The following SNX24 variants were observed in gnomAD, a reference collection of about 807,000 sequenced individuals.
The protein encoded by SNX24 is sorting nexin 24, also known as sorting nexin-24.
Under a neutral mutation model 28.7 loss-of-function variants are expected in SNX24, and 22 were observed. The observed-to-expected ratio is 0.77, with a 90% CI of 0.55 to 1.10. The LOEUF (loss-of-function observed/expected upper bound fraction) is 1.10. Among genes scored for constraint, SNX24 ranks in the 50% least tolerant of loss-of-function variants. The pLI is 0.00. For synonymous variants in SNX24, 69 were observed against 71.5 expected, an observed-to-expected ratio of 0.96 and a Z score of 0.18; for missense variants, 221 against 201.1, an observed-to-expected ratio of 1.10 and a Z score of -0.60.
rs545607213 is a variant in SNX24 at position 122,857,516 on chromosome 5, A to G, written c.60+11823A>G. On this transcript the variant is annotated intron_variant, in intron 1 of 6. Transcript: ENST00000261369. ...GATTATCTCATCATCCGGGTACTAAACCTAGTACCTGATAGTTACTTTTTC... is the reference window on the plus strand; with the variant it reads ...GATTATCTCATCATCCGGGTACTAAGCCTAGTACCTGATAGTTACTTTTTC... Among the ~76,000 whole-genome samples the G allele has an allele frequency of 5.3e-5, 8 of 151,736 alleles. No individual in the cohort carries two copies. In the East Asian group the frequency reaches 7.8e-4, roughly 15 times the overall value.
chr5:123,014,101 G>T (rs142724708), downstream of SNX24, among the ~76,000 whole-genome samples: 445 of 152,236 alleles, frequency 2.9e-3, 2 homozygotes, highest in African/African-American at 9.8e-3. Flanking sequence ...GAAATAGCTT[G>T]ACCAAGGATA....
intron 1 of SNX24, among the ~76,000 whole-genome samples, chr5:122,921,294 G>A (rs1462039843): frequency 1.3e-5 from 2 of 152,138 alleles, no homozygotes; most frequent in African/African-American, 4.8e-5. Flanking sequence ...GAGAATTTTA[G>A]TTTGTAAAAG....
At chr5:122,846,293 C>G (rs764784480) in intron 1 of SNX24, among the ~76,000 whole-genome samples, 3 of 151,932 alleles carry the variant, frequency 2.0e-5, no homozygotes, top group Non-Finnish European at 4.4e-5. Context: ...TGAAACAGGA[C>G]CCCTGCTCTC....
chr5:123,005,803 T>C (rs747908626), intron 6 of SNX24, among the ~76,000 whole-genome samples: 1 of 152,224 alleles, frequency 6.6e-6, no homozygotes, highest in African/African-American at 2.4e-5. Flanking sequence ...TAAATTATTG[T>C]TTTTTATTGG....
At chr5:122,919,347 T>A (rs1453796470) in intron 1 of SNX24, among the ~76,000 whole-genome samples, 1 of 152,240 alleles carries the variant, frequency 6.6e-6, no homozygotes, top group Non-Finnish European at 1.5e-5. Flanking sequence ...ACAAGTCATT[T>A]GAATCTTTTA....
chr5:122,861,680 C>T (rs368539644), intron 1 of SNX24, among the ~76,000 whole-genome samples: 5 of 152,050 alleles, frequency 3.3e-5, no homozygotes, highest in South Asian at 2.1e-4. Flanking sequence ...ATATTTGAAA[C>T]GCCCAATATG....
chr5:122,930,830 A>G (rs113674062), intron 1 of SNX24, among the ~76,000 whole-genome samples: 1 of 152,198 alleles, frequency 6.6e-6, no homozygotes, highest in East Asian at 1.9e-4. Flanking sequence ...CAACTCTTAC[A>G]TAGGTATTTT....
intron 1 of SNX24, chr5:122,891,097 C>G: frequency 7.8e-6 from 12 of 1,532,404 alleles, no homozygotes; most frequent in Non-Finnish European, 9.7e-6. Flanking sequence ...CTGGAAATTG[C>G]TTTTTCAAAT....
chr5:122,871,501 C>T (rs1451205338), intron 1 of SNX24, among the ~76,000 whole-genome samples: 1 of 152,168 alleles, frequency 6.6e-6, no homozygotes, highest in Non-Finnish European at 1.5e-5. Context: ...GGCGCGGTGG[C>T]TCACGCCTGT....
intron 1 of SNX24, among the ~76,000 whole-genome samples, chr5:122,900,584 G>A (rs970231801): frequency 4.6e-5 from 7 of 151,650 alleles, no homozygotes; most frequent in African/African-American, 7.3e-5. Flanking sequence ...CCTGGGCAAC[G>A]TAGTAAGACC....
intron 3 of SNX24, among the ~76,000 whole-genome samples, chr5:122,984,362 A>G (rs867516978): frequency 3.9e-5 from 6 of 152,158 alleles, no homozygotes; most frequent in African/African-American, 1.4e-4. Flanking sequence ...TTTTCTTTAC[A>G]TAAATGACAC....
chr5:122,862,590 A>C (rs1439098212), intron 1 of SNX24, among the ~76,000 whole-genome samples: 2 of 149,876 alleles, frequency 1.3e-5, no homozygotes, highest in Non-Finnish European at 3.0e-5. Flanking sequence ...CAACAGAGCA[A>C]GACTCTGTCT....
At chr5:122,859,817 G>A (rs1305083945) in intron 1 of SNX24, among the ~76,000 whole-genome samples, 2 of 152,134 alleles carry the variant, frequency 1.3e-5, no homozygotes, top group African/African-American at 4.8e-5. Flanking sequence ...ACATTGGTTT[G>A]TCCAGAAAGG....
At chr5:122,904,847 T>G (rs1242701292) in intron 1 of SNX24, among the ~76,000 whole-genome samples, 3 of 152,116 alleles carry the variant, frequency 2.0e-5, no homozygotes, top group Admixed American at 6.6e-5. Flanking sequence ...GGGAAAAAAA[T>G]ATGCCACCAC....
At chr5:123,025,869 T>G (rs766984428) in intron 5 of SNX24, 1 of 1,614,102 alleles carries the variant, frequency 6.2e-7, no homozygotes, top group Non-Finnish European at 8.5e-7. Context: ...CTGAGAGCCA[T>G]TGGTGTCAGG....
chr5:122,899,067 C>A (rs899473989), intron 1 of SNX24, among the ~76,000 whole-genome samples: 5 of 152,204 alleles, frequency 3.3e-5, no homozygotes. Flanking sequence ...TTTCTGTTTA[C>A]CATTCCTGCT....
At chr5:122,853,046 A>G (rs1472625064) in intron 1 of SNX24, among the ~76,000 whole-genome samples, 4 of 151,430 alleles carry the variant, frequency 2.6e-5, no homozygotes, top group African/African-American at 9.7e-5. Context: ...TGGTAGGCTC[A>G]TAGCAGAAGC....
intron 1 of SNX24, among the ~76,000 whole-genome samples, chr5:122,904,137 T>C (rs975499540): frequency 1.3e-5 from 2 of 152,064 alleles, no homozygotes; most frequent in African/African-American, 4.8e-5. Context: ...AATGATAGAT[T>C]GTTGAAGTAA....
In SNX24 at chr5:122,913,665, C is replaced by A. The variant is rs560503879; in HGVS notation, c.61-23069C>A. Among the ~76,000 whole-genome samples, 3 of 150,720 alleles carry A rather than the reference C, an allele frequency of 2.0e-5. No individual in the cohort carries two copies. The South Asian group carries it at 6.4e-4, about 32-fold the overall frequency. Reference sequence around the variant, plus strand: ...GCAGAGGGTCTCCTTACTTCTCAGACGGGGCAGCCGGGCAGAGACTCTCCT... The same window carrying A: ...GCAGAGGGTCTCCTTACTTCTCAGAAGGGGCAGCCGGGCAGAGACTCTCCT... On this transcript the variant is annotated intron_variant, in intron 1 of 6. Coordinates refer to ENST00000261369, the MANE Select transcript of SNX24 (RefSeq NM_014035.4).
Sources: allele counts gnomAD v4.1 joint callset (sites outside exome capture counted in the v4.1 genomes callset), GRCh38; gene constraint gnomAD v4.1.1; transcripts MANE v1.5; gene names NCBI Gene and HGNC (gene_info 2026-07-23, HGNC 2026-07-21).